The following USP38 variants were observed in gnomAD, a reference collection of about 807,000 sequenced individuals.
The protein encoded by USP38 is ubiquitin specific peptidase 38, also known as ubiquitin carboxyl-terminal hydrolase 38.
In USP38, 49 loss-of-function variants were observed where a neutral mutation model predicts 94.3. That is an observed-to-expected ratio of 0.52 (90% confidence interval 0.41 to 0.66). The LOEUF (loss-of-function observed/expected upper bound fraction) is 0.66, where lower values mean the gene tolerates loss of function less well. Among genes scored for constraint, USP38 ranks in the 30% least tolerant of loss-of-function variants. The pLI is 0.00. For missense variants in USP38, 1,128 were observed against 1,229.4 expected, an observed-to-expected ratio of 0.92 and a Z score of 1.23; for synonymous variants, 468 against 463.6, an observed-to-expected ratio of 1.01 and a Z score of -0.12.
At chr4:143,200,823 A>G (rs1731693127) in intron 4 of USP38, among the ~76,000 whole-genome samples, 1 of 152,196 alleles carries the variant, frequency 6.6e-6, no homozygotes, top group Admixed American at 6.5e-5. Context: ...CTAACCAGGG[A>G]GGTGAAAGAT....
chr4:143,214,894 A>C lies in USP38; in HGVS notation c.2918A>C (p.Gln973Pro). ...GLWINGDPPL[Q>P]KELMDAITKD... ...TGGATAAATGGAGACCCACCTCTAC[A>C]GAAAGAACTTATGGATGCTATAACA... Residue 973 changes from glutamine to proline, a missense_variant, in exon 9 of 10, where the codon CAG becomes CCG. Coordinates refer to ENST00000307017, the MANE Select transcript of USP38 (RefSeq NM_032557.6). 1 of 1,613,482 alleles carries C rather than the reference A, an allele frequency of 6.2e-7. No individual in the cohort carries two copies. Among genetic ancestry groups the C allele is most frequent in the Non-Finnish European group, 8.5e-7 (1 of 1,179,656 alleles).
At position 143,221,015 on chromosome 4, in the gene USP38, G is replaced by A. The variant is rs1369797650; in HGVS notation, c.*559G>A. 1 of 152,438 alleles carries A rather than the reference G, an allele frequency of 6.6e-6. No homozygotes were observed. The highest frequency in any genetic ancestry group is 2.4e-5 in the African/African-American group (1 of 41,434). 9.4% of individuals were successfully genotyped at this position (152,438 alleles called of 1,614,324 possible). On this transcript the variant is annotated 3_prime_UTR_variant, in exon 10 of 10. Transcript: ENST00000307017. ...TAGTGTCTTCAGCATCACTGTGTCT[G>A]TATTTCAAGTACAAATGTTTTTAAA...
intron 1 of USP38, 76 bp downstream of exon 1, chr4:143,186,208 T>C (rs1731220095): frequency 1.4e-6 from 2 of 1,437,298 alleles, no homozygotes; most frequent in Non-Finnish European, 1.9e-6. Flanking sequence ...ATTCACACCA[T>C]GTTTTCCTCC....
At chr4:143,208,152 A>G (rs561080255) in intron 6 of USP38, among the ~76,000 whole-genome samples, 5 of 152,174 alleles carry the variant, frequency 3.3e-5, no homozygotes, top group Non-Finnish European at 7.4e-5. Context: ...TATTCGAAAT[A>G]TTCCCATATT....
chr4:143,204,820 ATCAAT>A (rs1202088428), intron 5 of USP38, among the ~76,000 whole-genome samples: 1 of 152,214 alleles, frequency 6.6e-6, no homozygotes, highest in African/African-American at 2.4e-5. Context: ...ATTATTAGAA[ATCAAT>A]TCTATTGATG....
In USP38 at chr4:143,185,870, G is replaced by A. The variant is rs910465926; in HGVS notation, c.420G>A (p.Glu140=). 1 of 1,614,192 alleles carries A rather than the reference G, an allele frequency of 6.2e-7. No individual in the cohort carries two copies. The highest frequency in any genetic ancestry group is 8.5e-7 in the Non-Finnish European group (1 of 1,180,036). The change falls in exon 1 of 10, where the codon GAG becomes GAA. Residue 140 remains glutamate, a synonymous_variant. Transcript: ENST00000307017. ...TACGGATGGTGTGTGAGAGGCCGGAGCCGCAGCTCTGTGCCCGACTGAGCG... is the reference window on the plus strand; with the variant it reads ...TACGGATGGTGTGTGAGAGGCCGGAACCGCAGCTCTGTGCCCGACTGAGCG... ...EVLRMVCERP[E]PQLCARLSDL...
At chr4:143,199,801 A>C (rs1434227508) in intron 4 of USP38, among the ~76,000 whole-genome samples, 4 of 152,044 alleles carry the variant, frequency 2.6e-5, no homozygotes, top group Admixed American at 1.3e-4. Context: ...GCGTCTGTTC[A>C]TGTCCTTTGC....
Position 143,190,309 on chromosome 4 carries a change from A to G in USP38, c.818+2348A>G, listed in dbSNP as rs1287117670. On this transcript the variant is annotated intron_variant, in intron 2 of 9. Transcript: ENST00000307017. ...TGACATAAACTATTTAATACTCACC[A>G]CAGTCTTTTGAAATAGGTACTGTTA... Among the ~76,000 whole-genome samples, 3 of 152,104 alleles carry G rather than the reference A, an allele frequency of 2.0e-5. No homozygotes were observed. In the East Asian group the frequency reaches 5.8e-4, roughly 29 times the overall value.
chr4:143,217,982 A>G (rs1732227251), intron 9 of USP38, among the ~76,000 whole-genome samples: 1 of 152,130 alleles, frequency 6.6e-6, no homozygotes, highest in African/African-American at 2.4e-5. Flanking sequence ...TGTCTGGAAT[A>G]TAAAAACTAA....
intron 4 of USP38, 24 bp from the exon 5 acceptor site, chr4:143,203,384 T>C: frequency 6.3e-7 from 1 of 1,596,658 alleles, no homozygotes; most frequent in Non-Finnish European, 8.6e-7. Context: ...AAATTCAGCA[T>C]TGTTTATCCT....
chr4:143,188,109 G>T, intron 2 of USP38, 148 bp downstream of exon 2: 1 of 1,061,662 alleles, frequency 9.4e-7, no homozygotes, highest in South Asian at 1.8e-5. Flanking sequence ...GATTGGAATT[G>T]TTTATAGCGT....
Position 143,185,845 on chromosome 4 carries a change from T to TA in USP38, c.396dup (p.Arg133ThrfsTer5). The TA allele has an allele frequency of 6.2e-7, 1 of 1,614,168 alleles. No individual in the cohort carries two copies. Among genetic ancestry groups the TA allele is most frequent in the Non-Finnish European group, 8.5e-7 (1 of 1,180,034 alleles). On this transcript the variant is annotated frameshift_variant, in exon 1 of 10. Transcript: ENST00000307017. LOFTEE classifies it high-confidence loss of function. ...TTTAGCCTCCTGCAGGTAGAGGTGT[T>TA]ACGGATGGTGTGTGAGAGGCCGGAG...
chr4:143,208,059 A>G (rs1731920240), intron 6 of USP38, among the ~76,000 whole-genome samples: 1 of 152,158 alleles, frequency 6.6e-6, no homozygotes, highest in Non-Finnish European at 1.5e-5. Flanking sequence ...TATGAAAACA[A>G]ATGCATTTTT....
At chr4:143,204,582 C>T (rs1273507178) in intron 5 of USP38, 1 of 347,916 alleles carries the variant, frequency 2.9e-6, no homozygotes, top group Non-Finnish European at 5.6e-6. Context: ...AGAGTCGGGG[C>T]CTCACTATGT....
intron 6 of USP38, 27 bp from the exon 7 acceptor site, chr4:143,209,537 T>C (rs945676604): frequency 1.4e-5 from 18 of 1,328,212 alleles, no homozygotes; most frequent in South Asian, 2.4e-5. Flanking sequence ...TACGCACATA[T>C]ATATAAATCA....
Position 143,209,663 on chromosome 4 carries a change from T to C in USP38, c.1497+6T>C. 1 of 1,553,104 alleles carries C rather than the reference T, an allele frequency of 6.4e-7. No homozygotes were observed. The highest frequency in any genetic ancestry group is 1.4e-5 in the African/African-American group (1 of 73,260). ...CCTTTCTGGCCCATACACAGGTGAG[T>C]GTGTATGTGTATATAGTACGTTTAT... On this transcript the variant is annotated splice_donor_region_variant and intron_variant, in intron 7 of 9. Coordinates refer to ENST00000307017, the MANE Select transcript of USP38 (RefSeq NM_032557.6).
At position 143,185,712 on chromosome 4, in the gene USP38, C is replaced by G; in HGVS notation, c.262C>G (p.Leu88Val). The change falls in exon 1 of 10, where the codon CTC becomes GTC. Residue 88 changes from leucine to valine, a missense_variant. By Grantham distance (32) the Leu-to-Val change is conservative. Transcript: ENST00000307017. Reference sequence around the variant, plus strand: ...CTTCAACAAGACCTTCGTGTTGGGCCTCCTTCATCAGGGCTACCACTCTCT... The same window carrying G: ...CTTCAACAAGACCTTCGTGTTGGGCGTCCTTCATCAGGGCTACCACTCTCT... Reference protein sequence around the residue: ...SFFNKTFVLGLLHQGYHSLDR... With the variant: ...SFFNKTFVLGVLHQGYHSLDR... The G allele has an allele frequency of 6.2e-7, 1 of 1,614,174 alleles. No homozygotes were observed. Among genetic ancestry groups the G allele is most frequent in the African/African-American group, 1.3e-5 (1 of 75,026 alleles).
intron 3 of USP38, among the ~76,000 whole-genome samples, chr4:143,196,989 T>C (rs1426256675): frequency 6.6e-6 from 1 of 152,242 alleles, no homozygotes. Flanking sequence ...TTATCATCCC[T>C]TGCTGCAAGA....
In USP38 at chr4:143,222,156, A is replaced by T. The variant is rs1321834102; in HGVS notation, c.*1700A>T. 1 of 152,076 alleles carries T rather than the reference A, an allele frequency of 6.6e-6. No homozygotes were observed. Among genetic ancestry groups the T allele is most frequent in the Non-Finnish European group, 1.5e-5 (1 of 67,962 alleles). The allele number at this position is 152,076 out of a possible 1,614,324, so 9.4% of individuals were successfully genotyped here. On this transcript the variant is annotated 3_prime_UTR_variant, in exon 10 of 10. Transcript: ENST00000307017. ...CTTGATAGATTGATATTGGGCTAAG[A>T]TGCTTCTAGGAACTTTCATAAAAGC...
Sources: allele counts gnomAD v4.1 joint callset (sites outside exome capture counted in the v4.1 genomes callset), GRCh38; gene constraint gnomAD v4.1.1; transcripts MANE v1.5; gene names NCBI Gene and HGNC (gene_info 2026-07-23, HGNC 2026-07-21).